CDK6: variants seen among roughly 807,000 people sequenced by gnomAD.
CDK6 encodes the protein cyclin-dependent kinase 6.
In CDK6, 6 loss-of-function variants were observed where a neutral mutation model predicts 37.1. That is an observed-to-expected ratio of 0.16 (90% confidence interval 0.09 to 0.32). CDK6 has a LOEUF of 0.32. Ranked by LOEUF, CDK6 falls within the 10% of genes least tolerant of loss-of-function variation. The pLI is 1.00. For synonymous variants in CDK6, 160 were observed against 161.3 expected (o/e 0.99, Z 0.06); for missense variants, 224 against 418.9 (o/e 0.53, Z 4.06).
intron 3 of CDK6, among the ~76,000 whole-genome samples, chr7:92,726,507 C>T (rs1798516220): frequency 6.6e-6 from 1 of 152,106 alleles, no homozygotes; most frequent in South Asian, 2.1e-4. Context: ...ACTTCCTTGG[C>T]TCAAGAGATC....
chr7:92,810,506 C>T (rs895308815), intron 2 of CDK6, among the ~76,000 whole-genome samples: 2 of 152,214 alleles, frequency 1.3e-5, no homozygotes, highest in African/African-American at 4.8e-5. Flanking sequence ...GTCTCCCTCA[C>T]TGCTGCTGTG....
rs147041137 is a variant in CDK6, at chr7:92,775,080, C to T, written c.234-249G>A. Among the ~76,000 whole-genome samples, 410 of 152,276 alleles carry T rather than the reference C, an allele frequency of 2.7e-3. 2 individuals are homozygous for T. Among genetic ancestry groups the T allele is most frequent in the Non-Finnish European group, 3.4e-3 (233 of 68,016 alleles). ...CTATAGTAACAATGAGAAAGCAACG[C>T]GCTTGGAGCACAAGAACGCTTGGAG... is the stretch of plus-strand genomic sequence containing the variant. On this transcript the variant is annotated intron_variant, in intron 2 of 7. Coordinates refer to ENST00000424848, the MANE Select transcript of CDK6 (RefSeq NM_001145306.2).
At chr7:92,800,544 T>C (rs1268790576) in intron 2 of CDK6, among the ~76,000 whole-genome samples, 2 of 152,182 alleles carry the variant, frequency 1.3e-5, no homozygotes, top group Non-Finnish European at 2.9e-5. Context: ...ACACACACTT[T>C]CTCTCTCCCC....
At chr7:92,757,889 A>C (rs973402641) in intron 3 of CDK6, among the ~76,000 whole-genome samples, 1 of 152,138 alleles carries the variant, frequency 6.6e-6, no homozygotes, top group African/African-American at 2.4e-5. Context: ...TTTGGTCTGC[A>C]TTTCTCTAAT....
Position 92,749,060 on chromosome 7 carries a change from G to A in CDK6, c.370-23267C>T, listed in dbSNP as rs552054443. ...CTAAAAATACAAAACTTAGCCAGGC[G>A]TGGTGGCGCATGCCTGTAATCCCAG... is the stretch of plus-strand genomic sequence containing the variant. On this transcript the variant is annotated intron_variant, in intron 3 of 7. Transcript: ENST00000424848. 2.6e-5 allele frequency among the ~76,000 whole-genome samples: 4 copies of A among 152,180 alleles called. No homozygotes were observed. The East Asian group carries it at 5.8e-4, about 22-fold the overall frequency.
At chr7:92,756,925 A>T (rs1020707863) in intron 3 of CDK6, among the ~76,000 whole-genome samples, 1 of 152,052 alleles carries the variant, frequency 6.6e-6, no homozygotes, top group Non-Finnish European at 1.5e-5. Flanking sequence ...TTTGTGAGAG[A>T]GCTACTGAAT....
intron 2 of CDK6, among the ~76,000 whole-genome samples, chr7:92,811,220 T>A (rs1283196824): frequency 6.6e-6 from 1 of 152,154 alleles, no homozygotes; most frequent in Non-Finnish European, 1.5e-5. Flanking sequence ...TGGACATTCT[T>A]CAGCTATATA....
intron 2 of CDK6, among the ~76,000 whole-genome samples, chr7:92,822,406 C>G (rs1363915145): frequency 6.6e-6 from 1 of 151,930 alleles, no homozygotes; most frequent in Non-Finnish European, 1.5e-5. Flanking sequence ...GTTTTAAATG[C>G]AATACTGAGT....
At chr7:92,648,110 TGTAA>T (rs1432936069) in intron 5 of CDK6, among the ~76,000 whole-genome samples, 2 of 152,138 alleles carry the variant, frequency 1.3e-5, no homozygotes, top group African/African-American at 2.4e-5. Context: ...TATGTGTGTG[TGTAA>T]GTGTGTTCGT....
chr7:92,745,453 C>A (rs1799036147), intron 3 of CDK6, among the ~76,000 whole-genome samples: 1 of 152,164 alleles, frequency 6.6e-6, no homozygotes, highest in Non-Finnish European at 1.5e-5. Flanking sequence ...TTGAGTAACT[C>A]TGCAAGTTTC....
intron 3 of CDK6, among the ~76,000 whole-genome samples, chr7:92,746,539 A>G (rs372123366): frequency 1.3e-5 from 2 of 152,336 alleles, no homozygotes; most frequent in African/African-American, 2.4e-5. Flanking sequence ...TAAATGAAAA[A>G]TAATTTTGTG....
chr7:92,688,587 A>T lies in CDK6; in HGVS notation c.538-17052T>A, dbSNP rs868110653. Among the ~76,000 whole-genome samples the T allele has an allele frequency of 3.7e-3, 488 of 131,874 alleles. 2 individuals are homozygous for T. The highest frequency in any genetic ancestry group is 0.019 in the East Asian group (83 of 4,458). The allele number at this position is 131,874 out of a possible 152,430, so 86.5% of individuals were successfully genotyped here. On this transcript the variant is annotated intron_variant, in intron 4 of 7. Transcript: ENST00000424848. The stretch of plus-strand genomic sequence containing the variant: ...TGTATAGACTACATATACATCACAC[A>T]CACACACACACACACACACACACAC...
chr7:92,700,011 A>T (rs757164595), intron 4 of CDK6, among the ~76,000 whole-genome samples: 16 of 152,162 alleles, frequency 1.1e-4, no homozygotes, highest in Non-Finnish European at 2.2e-4. Context: ...GGCTCTATAA[A>T]CTTTAGCTAT....
In CDK6 at chr7:92,762,568, A is replaced by AT. The variant is rs201533272; in HGVS notation, c.369+12127_369+12128insA. On this transcript the variant is annotated intron_variant, in intron 3 of 7. Transcript: ENST00000424848. ...TCCATACTAACCGTATTCATAGAAC[A>AT]CCTTTTTTTTTTTTTTTGAGATGGA... is the stretch of plus-strand genomic sequence containing the variant. 5.6e-3 allele frequency among the ~76,000 whole-genome samples: 816 copies of AT among 146,732 alleles called. 7 individuals carry two copies. Among genetic ancestry groups the AT allele is most frequent in the African/African-American group, 0.018 (714 of 40,058 alleles).
intron 2 of CDK6, among the ~76,000 whole-genome samples, chr7:92,776,124 T>C (rs1051664877): frequency 2.1e-5 from 3 of 144,954 alleles, no homozygotes; most frequent in African/African-American, 7.5e-5. Flanking sequence ...TGTGTTCTCA[T>C]TGTTCAACTC....
chr7:92,665,797 C>G (rs759933640), intron 5 of CDK6, among the ~76,000 whole-genome samples: 4 of 152,174 alleles, frequency 2.6e-5, no homozygotes, highest in Non-Finnish European at 5.9e-5. Context: ...GTAGGTCAAA[C>G]AACAGCAATG....
At chr7:92,625,577 AC>A (rs1207118416) in intron 5 of CDK6, among the ~76,000 whole-genome samples, 1 of 151,898 alleles carries the variant, frequency 6.6e-6, no homozygotes, top group East Asian at 1.9e-4. Context: ...AAAACCAAAA[AC>A]CTCACCAAGT....
chr7:92,796,376 T>C (rs1800413054), intron 2 of CDK6, among the ~76,000 whole-genome samples: 1 of 152,102 alleles, frequency 6.6e-6, no homozygotes, highest in Non-Finnish European at 1.5e-5. Flanking sequence ...GATACAAAAA[T>C]GATAACAAAC....
intron 2 of CDK6, among the ~76,000 whole-genome samples, chr7:92,803,623 C>T (rs1800649313): frequency 6.6e-6 from 1 of 152,092 alleles, no homozygotes; most frequent in Non-Finnish European, 1.5e-5. Context: ...GAGCTTTGGA[C>T]CACAAATCAA....
Sources: allele counts gnomAD v4.1 joint callset (sites outside exome capture counted in the v4.1 genomes callset), GRCh38; gene constraint gnomAD v4.1.1; transcripts MANE v1.5; gene names NCBI Gene and HGNC (gene_info 2026-07-23, HGNC 2026-07-21).